Variants in SORCS3 observed in about 807,000 individuals in gnomAD.
SORCS3 encodes the protein VPS10 domain-containing receptor SorCS3.
A neutral mutation model predicts 146.3 loss-of-function variants in SORCS3; 57 were observed. The observed-to-expected ratio is 0.39, with a 90% CI of 0.31 to 0.49. The LOEUF (loss-of-function observed/expected upper bound fraction) is 0.49. Among genes scored for constraint, SORCS3 ranks in the 20% least tolerant of loss-of-function variants. SORCS3 has a pLI of 0.92. For missense variants in SORCS3, 1,341 were observed against 1,575.5 expected, an observed-to-expected ratio of 0.85 and a Z score of 2.52; for synonymous variants, 653 against 618.5, an observed-to-expected ratio of 1.06 and a Z score of -0.83.
chr10:105,110,110 TA>T (rs1322872727), intron 7 of SORCS3, among the ~76,000 whole-genome samples: 1 of 152,048 alleles, frequency 6.6e-6, no homozygotes, highest in Non-Finnish European at 1.5e-5. Flanking sequence ...AAAATGAGAT[TA>T]AAAACAATCT....
chr10:104,920,939 C>T (rs776896797), intron 3 of SORCS3, among the ~76,000 whole-genome samples: 3 of 152,168 alleles, frequency 2.0e-5, no homozygotes, highest in Non-Finnish European at 4.4e-5. Flanking sequence ...CAGCCATTGG[C>T]CAATTAACTC....
chr10:104,726,888 C>G (rs182049714), intron 1 of SORCS3, among the ~76,000 whole-genome samples: 1 of 152,320 alleles, frequency 6.6e-6, no homozygotes, highest in Admixed American at 6.5e-5. Context: ...GGATGCAAGA[C>G]TTCCAGTGTT....
intron 1 of SORCS3, among the ~76,000 whole-genome samples, chr10:104,681,778 G>A (rs36011900): frequency 0.12 from 18,673 of 152,126 alleles, 1,164 homozygotes; most frequent in Non-Finnish European, 0.15. Context: ...TTGCATGGAC[G>A]GCTCCCTTTC....
At chr10:104,820,003 T>C (rs2017854660) in intron 1 of SORCS3, among the ~76,000 whole-genome samples, 1 of 152,210 alleles carries the variant, frequency 6.6e-6, no homozygotes, top group Non-Finnish European at 1.5e-5. Flanking sequence ...TCTGATCTTA[T>C]CTTGAGGATG....
At chr10:104,913,699 G>A (rs764712125) in intron 2 of SORCS3, among the ~76,000 whole-genome samples, 2 of 151,708 alleles carry the variant, frequency 1.3e-5, no homozygotes, top group Non-Finnish European at 2.9e-5. Flanking sequence ...CATTCTGTTA[G>A]GAGGTTTCCC....
chr10:104,701,283 G>A (rs889255565), intron 1 of SORCS3, among the ~76,000 whole-genome samples: 17 of 152,310 alleles, frequency 1.1e-4, no homozygotes, highest in South Asian at 8.3e-4. Flanking sequence ...GGTAGGAGAC[G>A]GATCTGATTT....
intron 3 of SORCS3, among the ~76,000 whole-genome samples, chr10:104,950,658 G>A (rs1564720504): frequency 6.6e-6 from 1 of 152,200 alleles, no homozygotes; most frequent in South Asian, 2.1e-4. Flanking sequence ...GCTAGCACAA[G>A]TGGCTTGGGG....
At chr10:104,977,041 C>A (rs1346907900) in intron 3 of SORCS3, among the ~76,000 whole-genome samples, 1 of 151,730 alleles carries the variant, frequency 6.6e-6, no homozygotes, top group African/African-American at 2.4e-5. Flanking sequence ...CACATATACC[C>A]TAAAACTTGA....
intron 7 of SORCS3, among the ~76,000 whole-genome samples, chr10:105,135,784 A>G (rs1424191319): frequency 2.0e-5 from 3 of 152,228 alleles, no homozygotes; most frequent in Non-Finnish European, 4.4e-5. Context: ...TATAGCAAGG[A>G]TGACCTTTCC....
Position 105,127,401 on chromosome 10 carries a change from G to T in SORCS3, c.1213-11996G>T, listed in dbSNP as rs703481. On this transcript the variant is annotated intron_variant, in intron 7 of 26. Coordinates refer to ENST00000369701, the MANE Select transcript of SORCS3 (RefSeq NM_014978.3). ...AGCCTAGCAAAGTGAAAAGAGCCTGGAGTTGCAAGTCAGAAGCTTTGAGCT... is the reference window on the plus strand; with the variant it reads ...AGCCTAGCAAAGTGAAAAGAGCCTGTAGTTGCAAGTCAGAAGCTTTGAGCT... Among the ~76,000 whole-genome samples the T allele has an allele frequency of 2.2e-3, 328 of 152,190 alleles. 3 individuals carry two copies. The highest frequency in any genetic ancestry group is 7.8e-3 in the African/African-American group (323 of 41,534).
intron 4 of SORCS3, among the ~76,000 whole-genome samples, chr10:104,997,781 A>G (rs1019327012): frequency 7.2e-5 from 11 of 152,288 alleles, no homozygotes; most frequent in African/African-American, 2.6e-4. Context: ...TTTTTCATTC[A>G]GCAAATCTTT....
intron 1 of SORCS3, 68 bp downstream of exon 1, chr10:104,642,022 G>GGGGGGGGGGGGGGGCGCCCC: frequency 5.8e-6 from 1 of 173,334 alleles, no homozygotes; most frequent in Non-Finnish European, 1.1e-5. Flanking sequence ...GGGTGGGTGG[G>GGGGGGGGGGGGGGGCGCCCC]AGCGAGGGAC....
intron 7 of SORCS3, among the ~76,000 whole-genome samples, chr10:105,116,125 C>A (rs1160643768): frequency 6.6e-6 from 1 of 152,164 alleles, no homozygotes; most frequent in Non-Finnish European, 1.5e-5. Flanking sequence ...TGAAATACTT[C>A]TATGAATAAA....
intron 2 of SORCS3, among the ~76,000 whole-genome samples, chr10:104,866,696 A>C (rs1301100945): frequency 1.3e-5 from 2 of 152,200 alleles, no homozygotes; most frequent in Admixed American, 6.5e-5. Context: ...TAAATCATTC[A>C]TTCATTGTTC....
chr10:104,985,683 G>A (rs2054957955), intron 4 of SORCS3, among the ~76,000 whole-genome samples: 1 of 152,138 alleles, frequency 6.6e-6, no homozygotes, highest in Non-Finnish European at 1.5e-5. Flanking sequence ...ATTTCTATTT[G>A]ATCCACGGTC....
intron 6 of SORCS3, among the ~76,000 whole-genome samples, chr10:105,104,195 A>C (rs2055805702): frequency 6.6e-6 from 1 of 152,234 alleles, no homozygotes; most frequent in African/African-American, 2.4e-5. Flanking sequence ...TTAGATAGGC[A>C]TATGTAATAA....
At chr10:104,875,392 T>G (rs560221693) in intron 2 of SORCS3, among the ~76,000 whole-genome samples, 1 of 152,198 alleles carries the variant, frequency 6.6e-6, no homozygotes, top group Non-Finnish European at 1.5e-5. Flanking sequence ...TATGTGACCA[T>G]GGACAAGTTA....
At chr10:104,994,009 A>G (rs986005678) in intron 4 of SORCS3, among the ~76,000 whole-genome samples, 13 of 152,334 alleles carry the variant, frequency 8.5e-5, no homozygotes, top group Admixed American at 2.6e-4. Flanking sequence ...GAAAAGAAGC[A>G]GAGACAGCAA....
At chr10:105,178,314 A>G (rs1001982074) in intron 14 of SORCS3, 141 bp downstream of exon 14, 2 of 597,526 alleles carry the variant, frequency 3.3e-6, no homozygotes, top group Non-Finnish European at 5.8e-6. Context: ...ATAAAATGGA[A>G]ATACTTATTT....
Sources: allele counts gnomAD v4.1 joint callset (sites outside exome capture counted in the v4.1 genomes callset), GRCh38; gene constraint gnomAD v4.1.1; transcripts MANE v1.5; gene names NCBI Gene and HGNC (gene_info 2026-07-23, HGNC 2026-07-21).